The following TBPL1 variants were observed in gnomAD, a reference collection of about 807,000 sequenced individuals.
TBPL1 encodes the protein TATA-box binding protein like 1.
TBPL1 carries 4 observed loss-of-function variants against 22.1 expected under a neutral mutation model. The ratio of observed to expected loss-of-function variants is 0.18; its 90% CI spans 0.09 to 0.41. The LOEUF (loss-of-function observed/expected upper bound fraction) is 0.41. TBPL1 is among the 10% of genes least tolerant of loss of function. TBPL1 has a pLI of 1.00. For synonymous variants in TBPL1, 64 were observed against 71.0 expected (o/e 0.90, Z 0.50); for missense variants, 115 against 222.3 (o/e 0.52, Z 3.07).
At chr6:133,956,717 A>G (rs139515892) in intron 1 of TBPL1, among the ~76,000 whole-genome samples, 1 of 152,352 alleles carries the variant, frequency 6.6e-6, no homozygotes, top group African/African-American at 2.4e-5. Context: ...TAAAATTTCA[A>G]CTTTGTATTC....
chr6:133,987,117 G>T lies in TBPL1; in HGVS notation c.*77G>T. The T allele has an allele frequency of 1.1e-6, 1 of 921,188 alleles. No homozygotes were observed. The highest frequency in any genetic ancestry group is 2.4e-5 in the Admixed American group (1 of 41,616). The allele number at this position is 921,188 out of a possible 1,614,324, so 57.1% of individuals were successfully genotyped here. On this transcript the variant is annotated 3_prime_UTR_variant, in exon 7 of 7. Coordinates refer to ENST00000237264, the MANE Select transcript of TBPL1 (RefSeq NM_004865.4). ...GCACATTGGACTCAAAAGGAAAACT[G>T]GACCAACAATAATTGAGGAAATAGA... is the stretch of plus-strand genomic sequence containing the variant.
chr6:133,958,449 G>A (rs9321423), intron 1 of TBPL1, among the ~76,000 whole-genome samples: 97,074 of 151,930 alleles, frequency 0.64, 31,905 homozygotes, highest in African/African-American at 0.74. Flanking sequence ...CAGTAATTCA[G>A]GTGGCTCAAG....
chr6:133,981,091 G>A (rs1776405526), intron 2 of TBPL1, among the ~76,000 whole-genome samples: 1 of 148,608 alleles, frequency 6.7e-6, no homozygotes, highest in South Asian at 2.1e-4. Context: ...TCCTGTCTCA[G>A]CCTCCCAAGT....
At chr6:133,961,770 T>C (rs1776029331) in intron 1 of TBPL1, among the ~76,000 whole-genome samples, 2 of 152,178 alleles carry the variant, frequency 1.3e-5, no homozygotes, top group Admixed American at 1.3e-4. Flanking sequence ...GGCCAAGAAT[T>C]ATTTCTTACC....
At chr6:133,968,902 C>G (rs1776170057) in intron 1 of TBPL1, 2 of 152,146 alleles carry the variant, frequency 1.3e-5, no homozygotes, top group African/African-American at 4.8e-5. Context: ...CTCAAATGAT[C>G]CACCCATCTT....
chr6:133,987,649 T>TATAC lies in TBPL1; in HGVS notation c.*612_*613insCATA, dbSNP rs1562670340. On this transcript the variant is annotated 3_prime_UTR_variant, in exon 7 of 7. Coordinates refer to ENST00000237264, the MANE Select transcript of TBPL1 (RefSeq NM_004865.4). ...TTGTGTGTGTGTGTGTGTGTGTGTG[T>TATAC]ATATATATATATATATATGCACCAC... The TATAC allele has an allele frequency of 7.4e-6, 1 of 134,436 alleles. No homozygotes were observed. The highest frequency in any genetic ancestry group is 2.1e-4 in the East Asian group (1 of 4,820). 8.3% of individuals were successfully genotyped at this position (134,436 alleles called of 1,614,324 possible).
In TBPL1 at chr6:133,987,246, GCTTTTACAAAA is replaced by G; in HGVS notation, c.*207_*217del. On this transcript the variant is annotated 3_prime_UTR_variant, in exon 7 of 7. Transcript: ENST00000237264. ...GAAGTTTACAAGACATGATATTGCT[GCTTTTACAAAA>G]GGACATTCTATTTATTTTCGCAGTA... The G allele has an allele frequency of 2.6e-6, 1 of 377,832 alleles. No individual in the cohort carries two copies. The highest frequency in any genetic ancestry group is 4.7e-6 in the Non-Finnish European group (1 of 210,592). The allele number at this position is 377,832 out of a possible 1,614,324, so 23.4% of individuals were successfully genotyped here.
chr6:133,953,212 A>G (rs1031880800), upstream of TBPL1: 3 of 152,744 alleles, frequency 2.0e-5, no homozygotes, highest in African/African-American at 7.2e-5. Context: ...GTCGCGGGGA[A>G]GCTGCGGCCG....
At chr6:133,980,352 A>G (rs1776387383) in intron 2 of TBPL1, 92 bp downstream of exon 2, 2 of 1,382,936 alleles carry the variant, frequency 1.4e-6, no homozygotes, top group Non-Finnish European at 9.6e-7. Flanking sequence ...CAGATAGTTT[A>G]TGAGCACCTT....
chr6:133,967,078 CT>C (rs1776133039), intron 1 of TBPL1, among the ~76,000 whole-genome samples: 1 of 152,202 alleles, frequency 6.6e-6, no homozygotes, highest in African/African-American at 2.4e-5. Flanking sequence ...TTCCTTTTCA[CT>C]TTTCTCACCG....
intron 1 of TBPL1, among the ~76,000 whole-genome samples, chr6:133,976,756 G>A (rs192537201): frequency 3.3e-5 from 5 of 152,194 alleles, no homozygotes; most frequent in South Asian, 2.1e-4. Flanking sequence ...TTGGGAGGCC[G>A]AGGCAGTGGC....
rs150501650 is a variant in TBPL1, at chr6:133,956,481, C to A, written c.-45+3056C>A. 4.5e-3 allele frequency among the ~76,000 whole-genome samples: 681 copies of A among 152,244 alleles called. 4 individuals are homozygous for A. The highest frequency in any genetic ancestry group is 0.015 in the African/African-American group (638 of 41,526). ...ATTTTAAATTCTTTATTACATACTGCCTGGTACTGTCACTATTGGTGAATG... is the reference window on the plus strand; with the variant it reads ...ATTTTAAATTCTTTATTACATACTGACTGGTACTGTCACTATTGGTGAATG... On this transcript the variant is annotated intron_variant, in intron 1 of 6. Transcript: ENST00000237264.
At chr6:133,980,962 A>ATTTTTTTTTT (rs10713725) in intron 2 of TBPL1, among the ~76,000 whole-genome samples, 3 of 97,120 alleles carry the variant, frequency 3.1e-5, no homozygotes, top group African/African-American at 8.2e-5. Context: ...TAATTAATTA[A>ATTTTTTTTTT]TTTTTTTTTT....
intron 2 of TBPL1, 64 bp from the exon 3 acceptor site, chr6:133,982,504 T>A: frequency 7.0e-7 from 1 of 1,435,328 alleles, no homozygotes; most frequent in East Asian, 2.3e-5. Flanking sequence ...AATATGACTA[T>A]ATAGAACAGA....
Position 133,953,340 on chromosome 6 carries a change from C to T in TBPL1, c.-130C>T, listed in dbSNP as rs755614995. 3 of 152,926 alleles carry T rather than the reference C, an allele frequency of 2.0e-5. No individual in the cohort carries two copies. The highest frequency in any genetic ancestry group is 4.4e-5 in the Non-Finnish European group (3 of 68,278). The allele number at this position is 152,926 out of a possible 1,614,324, so 9.5% of individuals were successfully genotyped here. ...GGAGCGCGCCCGTCTCATCCTCATC[C>T]TTGTCCTCCAGCTTCTCCTTCGCAT... On this transcript the variant is annotated 5_prime_UTR_variant, in exon 1 of 7. Transcript: ENST00000237264.
At chr6:133,970,801 G>A (rs1043383675) in intron 1 of TBPL1, among the ~76,000 whole-genome samples, 14 of 151,952 alleles carry the variant, frequency 9.2e-5, no homozygotes, top group African/African-American at 3.4e-4. Context: ...GAGTCTATCT[G>A]TGTTGCCCAG....
Position 133,984,423 on chromosome 6 carries a change from C to T in TBPL1, c.330C>T (p.Asn110=). The change falls in exon 5 of 7, where the codon AAC becomes AAT. Residue 110 remains asparagine (N), a synonymous_variant. Transcript: ENST00000237264. ...TTGTTAACGTTCTGGCAGTGTGTAA[C>T]ATGCCATTTGAAATCCGTTTGCCAG... is the stretch of plus-strand genomic sequence containing the variant. ...FKVVNVLAVC[N]MPFEIRLPEF... 6.2e-7 allele frequency: 1 copy of T among 1,613,642 alleles called. No individual in the cohort carries two copies. Among genetic ancestry groups the T allele is most frequent in the Non-Finnish European group, 8.5e-7 (1 of 1,179,806 alleles).
At chr6:133,982,116 G>A (rs1045773048) in intron 2 of TBPL1, among the ~76,000 whole-genome samples, 1 of 152,116 alleles carries the variant, frequency 6.6e-6, no homozygotes, top group Non-Finnish European at 1.5e-5. Flanking sequence ...GATTAGGGAG[G>A]GCCTCTCTTC....
upstream of TBPL1, among the ~76,000 whole-genome samples, chr6:133,952,941 C>CA (rs1297305659): frequency 3.3e-5 from 5 of 152,094 alleles, no homozygotes; most frequent in South Asian, 2.1e-4. This position sits in a 1 kb window ranked among gnomAD's most constrained non-coding sequence, Gnocchi z 4.5. Flanking sequence ...GGTTCTTAAA[C>CA]AAAAAAGTCT....
Sources: gnomAD v4.1 joint callset for allele counts (sites outside exome capture counted in the v4.1 genomes callset) on GRCh38, gnomAD v4.1.1 for gene constraint, Gnocchi (gnomAD v3.1) non-coding constraint, MANE v1.5 for transcripts, NCBI Gene and HGNC (gene_info 2026-07-23, HGNC 2026-07-21) for gene names.